The following INPP4B variants were observed in gnomAD, a reference collection of about 807,000 sequenced individuals.
The protein encoded by INPP4B is inositol polyphosphate 4-phosphatase type II.
In INPP4B, 55 loss-of-function variants were observed where a neutral mutation model predicts 122.5. The ratio of observed to expected loss-of-function variants is 0.45; its 90% CI spans 0.36 to 0.56. INPP4B has a LOEUF of 0.56. Ranked by LOEUF, INPP4B falls within the 20% of genes least tolerant of loss-of-function variation. The probability of loss-of-function intolerance (pLI) is 0.00; values close to 1 mark genes in which losing one functional copy is unlikely to be tolerated. For missense variants in INPP4B, 1,000 were observed against 1,097.7 expected (o/e 0.91, Z 1.26); for synonymous variants, 403 against 388.7 (o/e 1.04, Z -0.43).
intron 14 of INPP4B, among the ~76,000 whole-genome samples, chr4:142,197,448 A>G (rs1448746624): frequency 2.0e-5 from 3 of 152,188 alleles, no homozygotes. Flanking sequence ...TTTTATCTAT[A>G]CTTCCACATT....
chr4:142,815,151 C>T (rs1037025759), intron 1 of INPP4B, among the ~76,000 whole-genome samples: 5 of 152,074 alleles, frequency 3.3e-5, no homozygotes, highest in African/African-American at 1.2e-4. Context: ...GAGGGGTGTC[C>T]TACAAGATGC....
intron 5 of INPP4B, among the ~76,000 whole-genome samples, chr4:142,424,224 A>G (rs1035746195): frequency 2.0e-5 from 3 of 151,928 alleles, no homozygotes; most frequent in African/African-American, 7.2e-5. Flanking sequence ...TAGATACCCT[A>G]GGAAATAGGT....
chr4:142,278,188 G>T (rs565583335), intron 9 of INPP4B, among the ~76,000 whole-genome samples: 2 of 151,932 alleles, frequency 1.3e-5, no homozygotes, highest in Admixed American at 6.6e-5. Context: ...GGAACACAAG[G>T]AGCAGCCATT....
chr4:142,249,180 T>C (rs1010889010), intron 11 of INPP4B, among the ~76,000 whole-genome samples: 1 of 152,046 alleles, frequency 6.6e-6, no homozygotes, highest in Non-Finnish European at 1.5e-5. Flanking sequence ...CACACAGTCA[T>C]GGAAATCATG....
At chr4:142,113,080 T>C (rs979819158) in intron 21 of INPP4B, among the ~76,000 whole-genome samples, 1 of 152,108 alleles carries the variant, frequency 6.6e-6, no homozygotes, top group African/African-American at 2.4e-5. Context: ...CCAAATAATT[T>C]ATATGATTTT....
intron 3 of INPP4B, among the ~76,000 whole-genome samples, chr4:142,450,002 GTTCT>G (rs1562125495): frequency 6.6e-6 from 1 of 152,124 alleles, no homozygotes. Flanking sequence ...CATAATCTCA[GTTCT>G]CTCTCCCTAG....
chr4:142,169,091 T>G (rs1239032787), intron 16 of INPP4B, among the ~76,000 whole-genome samples: 1 of 151,644 alleles, frequency 6.6e-6, no homozygotes, highest in Non-Finnish European at 1.5e-5. Context: ...TTCCATAAAT[T>G]TTATATATAG....
rs376353895 is a variant in INPP4B, at chr4:142,387,915, C to T, written c.372+15023G>A. Among the ~76,000 whole-genome samples, 40 of 152,252 alleles carry T rather than the reference C, an allele frequency of 2.6e-4. No individual in the cohort carries two copies. The South Asian group carries it at 8.1e-3, about 31-fold the overall frequency. On this transcript the variant is annotated intron_variant, in intron 7 of 25. Coordinates refer to ENST00000262992, the MANE Select transcript of INPP4B (RefSeq NM_001101669.3). ...CCTTGGGAGCATGACATTGTAACCA[C>T]GTGGCAGTACTTTCTCTTGGTCTGT...
At chr4:142,669,362 C>A (rs1444467714) in intron 2 of INPP4B, among the ~76,000 whole-genome samples, 1 of 151,974 alleles carries the variant, frequency 6.6e-6, no homozygotes, top group Non-Finnish European at 1.5e-5. Flanking sequence ...CCAAAGTAAT[C>A]TGAAACAAAA....
chr4:142,655,240 C>G (rs1022003167), intron 2 of INPP4B, among the ~76,000 whole-genome samples: 3 of 152,178 alleles, frequency 2.0e-5, no homozygotes, highest in Non-Finnish European at 2.9e-5. Context: ...AATCATCTCA[C>G]CTGGTGGTCC....
At chr4:142,793,117 C>CAT (rs77196261) in intron 1 of INPP4B, among the ~76,000 whole-genome samples, 13,898 of 152,046 alleles carry the variant, frequency 0.091, 794 homozygotes, top group African/African-American at 0.16. Flanking sequence ...CAATTACACA[C>CAT]GTTTATTTGT....
intron 9 of INPP4B, among the ~76,000 whole-genome samples, chr4:142,277,668 T>C (rs1248175447): frequency 9.8e-6 from 1 of 101,728 alleles, no homozygotes; most frequent in African/African-American, 3.5e-5. Context: ...GAAAATATCA[T>C]ACACACACAC....
intron 2 of INPP4B, among the ~76,000 whole-genome samples, chr4:142,483,434 A>G (rs891443511): frequency 2.0e-5 from 3 of 151,984 alleles, no homozygotes; most frequent in African/African-American, 7.2e-5. Context: ...CTGTGAGTGG[A>G]TATTACTAAT....
At chr4:142,677,988 A>AT (rs1211730735) in intron 2 of INPP4B, among the ~76,000 whole-genome samples, 1 of 152,034 alleles carries the variant, frequency 6.6e-6, no homozygotes, top group Non-Finnish European at 1.5e-5. Flanking sequence ...TTAAAGTACA[A>AT]TAAAAAAAAG....
chr4:142,251,211 T>G (rs550990368), intron 11 of INPP4B, among the ~76,000 whole-genome samples: 6 of 152,288 alleles, frequency 3.9e-5, no homozygotes, highest in Admixed American at 3.9e-4. Flanking sequence ...CTTCTTTTTG[T>G]GCATATAAAA....
intron 2 of INPP4B, among the ~76,000 whole-genome samples, chr4:142,585,317 G>A (rs934130127): frequency 1.3e-5 from 2 of 152,088 alleles, no homozygotes; most frequent in Admixed American, 1.3e-4. Context: ...GCTGTCAAAT[G>A]CTCACTTTTT....
At chr4:142,820,461 C>T (rs929994579) in intron 1 of INPP4B, among the ~76,000 whole-genome samples, 2 of 152,064 alleles carry the variant, frequency 1.3e-5, no homozygotes, top group African/African-American at 4.8e-5. Context: ...CAGTTGAGGC[C>T]CTCACAGCAG....
At chr4:142,132,038 C>T (rs561354998) in intron 18 of INPP4B, among the ~76,000 whole-genome samples, 336 of 151,702 alleles carry the variant, frequency 2.2e-3, no homozygotes, top group Non-Finnish European at 4.1e-3. Context: ...ATCTCGGTTT[C>T]TCTGTGGGTG....
At chr4:142,427,452 C>T in intron 5 of INPP4B, 2 of 674,576 alleles carry the variant, frequency 3.0e-6, no homozygotes, top group South Asian at 1.7e-5. Flanking sequence ...CTTGCAGCTG[C>T]TAATCTCTTA....
Sources: allele counts gnomAD v4.1 joint callset (sites outside exome capture counted in the v4.1 genomes callset), GRCh38; gene constraint gnomAD v4.1.1; transcripts MANE v1.5; gene names NCBI Gene and HGNC (gene_info 2026-07-23, HGNC 2026-07-21).